SKAP2: variants seen among roughly 807,000 people sequenced by gnomAD.
The protein encoded by SKAP2 is src kinase associated phosphoprotein 2.
SKAP2 carries 28 observed loss-of-function variants against 54.9 expected under a neutral mutation model. The ratio of observed to expected loss-of-function variants is 0.51; its 90% CI spans 0.38 to 0.70. SKAP2 has a LOEUF of 0.70. Ranked by LOEUF, SKAP2 falls within the 30% of genes least tolerant of loss-of-function variation. The pLI is 0.00. For missense variants in SKAP2, 356 were observed against 424.1 expected, an observed-to-expected ratio of 0.84 and a Z score of 1.41; for synonymous variants, 137 against 134.3, an observed-to-expected ratio of 1.02 and a Z score of -0.14.
At chr7:26,672,848 A>T (rs1562570625) in intron 11 of SKAP2, among the ~76,000 whole-genome samples, 2 of 151,994 alleles carry the variant, frequency 1.3e-5, no homozygotes, top group Non-Finnish European at 2.9e-5. Context: ...TTGGAATGAA[A>T]ATGCTTCTTG....
the SKAP2 span, among the ~76,000 whole-genome samples, chr7:26,654,777 C>A: frequency 6.6e-6 from 1 of 152,184 alleles, no homozygotes; most frequent in Non-Finnish European, 1.5e-5. Flanking sequence ...TCATTACACA[C>A]AAGCAATAGT....
chr7:26,698,650 C>G (rs554915909), intron 9 of SKAP2, among the ~76,000 whole-genome samples: 1 of 152,270 alleles, frequency 6.6e-6, no homozygotes, highest in East Asian at 1.9e-4. Context: ...CCACCAGATG[C>G]GTAAGAATCT....
At chr7:26,660,782 A>C in the SKAP2 span, among the ~76,000 whole-genome samples, 2 of 152,082 alleles carry the variant, frequency 1.3e-5, no homozygotes, top group African/African-American at 4.8e-5. Context: ...ACAGGTACAC[A>C]ATGTGTCTAT....
At chr7:26,699,654 T>C (rs1261583243) in intron 9 of SKAP2, among the ~76,000 whole-genome samples, 1 of 152,140 alleles carries the variant, frequency 6.6e-6, no homozygotes, top group Non-Finnish European at 1.5e-5. Context: ...TGAAATACTT[T>C]ACTTTCTAGA....
At chr7:26,689,948 T>G (rs1202422849) in intron 10 of SKAP2, among the ~76,000 whole-genome samples, 1 of 152,218 alleles carries the variant, frequency 6.6e-6, no homozygotes, top group Non-Finnish European at 1.5e-5. Context: ...GCATGTTGTA[T>G]CTATAAACTG....
chr7:26,748,354 A>G (rs910909558), intron 4 of SKAP2, among the ~76,000 whole-genome samples: 2 of 152,134 alleles, frequency 1.3e-5, no homozygotes, highest in African/African-American at 4.8e-5. Context: ...AGAATCTCTC[A>G]ATTATTTCCG....
At chr7:26,741,531 C>A (rs1483911085) in intron 4 of SKAP2, among the ~76,000 whole-genome samples, 1 of 139,630 alleles carries the variant, frequency 7.2e-6, no homozygotes. Flanking sequence ...AGAGTGAGAC[C>A]CTGTCTCTAA....
chr7:26,815,682 A>T (rs1044875670), intron 4 of SKAP2, among the ~76,000 whole-genome samples: 2 of 152,126 alleles, frequency 1.3e-5, no homozygotes, highest in African/African-American at 4.8e-5. Flanking sequence ...GAGGTTCAGT[A>T]TGATGGAGGA....
At chr7:26,798,918 C>T (rs1783844127) in intron 4 of SKAP2, among the ~76,000 whole-genome samples, 1 of 151,544 alleles carries the variant, frequency 6.6e-6, no homozygotes, top group Admixed American at 6.6e-5. Flanking sequence ...ATACAACGGA[C>T]ACACAAGACA....
chr7:26,824,490 T>C (rs1784448022), intron 4 of SKAP2, among the ~76,000 whole-genome samples: 1 of 152,212 alleles, frequency 6.6e-6, no homozygotes, highest in African/African-American at 2.4e-5. Context: ...AGTCAAATAC[T>C]GGTTTGGCTA....
At chr7:26,851,498 T>C (rs539071860) in intron 3 of SKAP2, among the ~76,000 whole-genome samples, 1 of 151,830 alleles carries the variant, frequency 6.6e-6, no homozygotes, top group Non-Finnish European at 1.5e-5. Context: ...TTCTCACTCA[T>C]AGGTGGGAAC....
Position 26,805,929 on chromosome 7 carries a change from T to C in SKAP2, c.307+38101A>G, listed in dbSNP as rs566310801. 9.8e-5 allele frequency among the ~76,000 whole-genome samples: 15 copies of C among 152,348 alleles called. No homozygotes were observed. In the South Asian group the frequency reaches 3.1e-3, roughly 32 times the overall value. ...GTCGAGAAAGTCTATCGGCACCATT[T>C]TTCCAACAGCATGTGTTGGCTTTGT... On this transcript the variant is annotated intron_variant, in intron 4 of 12. Transcript: ENST00000345317.
chr7:26,658,013 C>A, the SKAP2 span, among the ~76,000 whole-genome samples: 1 of 152,074 alleles, frequency 6.6e-6, no homozygotes, highest in South Asian at 2.1e-4. Flanking sequence ...TGGCGGTGAT[C>A]AGAGAAAACG....
At chr7:26,776,424 T>C (rs1287013265) in intron 4 of SKAP2, among the ~76,000 whole-genome samples, 2 of 152,192 alleles carry the variant, frequency 1.3e-5, no homozygotes, top group Non-Finnish European at 2.9e-5. Flanking sequence ...AAGACTGAAC[T>C]CATTACCTCC....
At chr7:26,759,323 C>T (rs908989597) in intron 4 of SKAP2, among the ~76,000 whole-genome samples, 7 of 152,216 alleles carry the variant, frequency 4.6e-5, no homozygotes, top group Middle Eastern at 3.4e-3. Flanking sequence ...ACACAGCAAC[C>T]GCACAAGTTA....
At chr7:26,689,821 A>C (rs909490362) in intron 10 of SKAP2, among the ~76,000 whole-genome samples, 2 of 152,174 alleles carry the variant, frequency 1.3e-5, no homozygotes, top group African/African-American at 4.8e-5. Flanking sequence ...CTACATTGCC[A>C]GTCCCCTGGG....
intron 6 of SKAP2, among the ~76,000 whole-genome samples, chr7:26,731,829 T>G (rs1413232306): frequency 6.6e-6 from 1 of 152,038 alleles, no homozygotes; most frequent in Non-Finnish European, 1.5e-5. Context: ...GCCCCGACGT[T>G]ACCCCCTACA....
At chr7:26,805,959 C>T (rs1784016346) in intron 4 of SKAP2, among the ~76,000 whole-genome samples, 1 of 152,098 alleles carries the variant, frequency 6.6e-6, no homozygotes, top group South Asian at 2.1e-4. Context: ...CTTTGTGTCT[C>T]TGTGTCACCT....
chr7:26,677,025 T>C lies in SKAP2; in HGVS notation c.988-6833A>G, dbSNP rs1584324601. Among the ~76,000 whole-genome samples the C allele has an allele frequency of 2.0e-5, 3 of 152,324 alleles. No individual in the cohort carries two copies. The East Asian group carries it at 5.8e-4, about 29-fold the overall frequency. On this transcript the variant is annotated intron_variant, in intron 11 of 12. Coordinates refer to ENST00000345317, the MANE Select transcript of SKAP2 (RefSeq NM_003930.5). ...ATAAGGGAAAAGTGGTGTAAGCTGC[T>C]GTAGAAAAACTAGCTTGGAAACATC...
Sources: gnomAD v4.1 joint callset for allele counts (sites outside exome capture counted in the v4.1 genomes callset) on GRCh38, gnomAD v4.1.1 for gene constraint, MANE v1.5 for transcripts, NCBI Gene and HGNC (gene_info 2026-07-23, HGNC 2026-07-21) for gene names.